Variants in KIAA1549L observed in about 807,000 individuals in gnomAD.
KIAA1549L encodes KIAA1549 like.
In KIAA1549L, 88 loss-of-function variants were observed where a neutral mutation model predicts 160.7. The ratio of observed to expected loss-of-function variants is 0.55; its 90% CI spans 0.46 to 0.65. The LOEUF (loss-of-function observed/expected upper bound fraction) is 0.65, where lower values mean the gene tolerates loss of function less well. KIAA1549L is among the 30% of genes least tolerant of loss of function. The probability of loss-of-function intolerance (pLI) is 0.00; values close to 1 mark genes in which losing one functional copy is unlikely to be tolerated. For missense variants in KIAA1549L, 2,258 were observed against 2,437.5 expected (o/e 0.93, Z 1.55); for synonymous variants, 950 against 976.7 (o/e 0.97, Z 0.51).
At chr11:33,594,367 G>T (rs1850144779) in intron 12 of KIAA1549L, among the ~76,000 whole-genome samples, 1 of 152,156 alleles carries the variant, frequency 6.6e-6, no homozygotes, top group Non-Finnish European at 1.5e-5. Context: ...AGCTCAGCTG[G>T]ATGGTTCTTC....
At chr11:33,590,519 G>A (rs1207530379) in intron 11 of KIAA1549L, among the ~76,000 whole-genome samples, 2 of 152,186 alleles carry the variant, frequency 1.3e-5, no homozygotes, top group African/African-American at 4.8e-5. Flanking sequence ...TATGCACTTG[G>A]GATTTCAGAT....
At chr11:33,492,419 G>T (rs1024407832) in intron 1 of KIAA1549L, among the ~76,000 whole-genome samples, 7 of 152,170 alleles carry the variant, frequency 4.6e-5, no homozygotes, top group Non-Finnish European at 8.8e-5. Context: ...AGTTCAGGGT[G>T]ACCTTGAACC....
chr11:33,478,497 G>A (rs1328856395), intron 1 of KIAA1549L, among the ~76,000 whole-genome samples: 4 of 152,192 alleles, frequency 2.6e-5, no homozygotes, highest in African/African-American at 4.8e-5. Flanking sequence ...GATGGGCTCC[G>A]CCTGCAGAAG....
chr11:33,552,813 A>G (rs1052193379), intron 6 of KIAA1549L, among the ~76,000 whole-genome samples: 2 of 152,144 alleles, frequency 1.3e-5, no homozygotes, highest in Admixed American at 6.5e-5. Flanking sequence ...TCTTACTCCC[A>G]TTTCACAGAA....
At chr11:33,435,797 T>TATATATA (rs1851353433) in intron 1 of KIAA1549L, among the ~76,000 whole-genome samples, 1 of 8,086 alleles carries the variant, frequency 1.2e-4, no homozygotes, top group African/African-American at 8.4e-4. Context: ...TATATATATA[T>TATATATA]ATATATATAT....
chr11:33,569,992 C>A (rs562826396), intron 9 of KIAA1549L, among the ~76,000 whole-genome samples: 1 of 73,486 alleles, frequency 1.4e-5, no homozygotes, highest in Admixed American at 2.0e-4. Context: ...TGTTCTTTCT[C>A]TCTCTCTCTC....
At chr11:33,457,281 G>A (rs1179478150) in intron 1 of KIAA1549L, among the ~76,000 whole-genome samples, 2 of 152,254 alleles carry the variant, frequency 1.3e-5, no homozygotes, top group East Asian at 3.9e-4. Context: ...TGTGTGGTGG[G>A]CTCAAGGTAG....
chr11:33,430,041 T>TCCTTCCTTCCTCCCTTCCTTCCTC (rs1554976199), intron 1 of KIAA1549L, among the ~76,000 whole-genome samples: 1 of 140,388 alleles, frequency 7.1e-6, no homozygotes, highest in African/African-American at 2.8e-5. Flanking sequence ...CTTCCTTCCT[T>TCCTTCCTTCCTCCCTTCCTTCCTC]CCTTCCTCCC....
intron 1 of KIAA1549L, among the ~76,000 whole-genome samples, chr11:33,474,071 C>T (rs894728343): frequency 1.3e-5 from 2 of 152,104 alleles, no homozygotes; most frequent in African/African-American, 4.8e-5. Context: ...GTGGCAGGCT[C>T]TTTAAACAAC....
At chr11:33,628,893 C>T (rs1473493371) in intron 16 of KIAA1549L, among the ~76,000 whole-genome samples, 5 of 151,926 alleles carry the variant, frequency 3.3e-5, no homozygotes, top group Non-Finnish European at 7.4e-5. Context: ...ATGGTCCTTA[C>T]ATTTTGGCAT....
chr11:33,635,675 TAAAACTGTTTCATTCATTTTAGAC>T (rs145261528), intron 16 of KIAA1549L, among the ~76,000 whole-genome samples: 83,810 of 150,660 alleles, frequency 0.56, 23,383 homozygotes, highest in Middle Eastern at 0.66. Flanking sequence ...CCATTCTAGA[TAAAACTGTTTCATTCATTTTAGAC>T]AAAACTGTTT....
intron 1 of KIAA1549L, among the ~76,000 whole-genome samples, chr11:33,521,574 G>A (rs1299605289): frequency 2.0e-5 from 3 of 152,198 alleles, no homozygotes; most frequent in African/African-American, 7.2e-5. Context: ...AATGAGTGTG[G>A]AAAGGGTAAG....
chr11:33,455,453 G>A (rs1228042332), intron 1 of KIAA1549L, among the ~76,000 whole-genome samples: 3 of 152,176 alleles, frequency 2.0e-5, no homozygotes, highest in Non-Finnish European at 4.4e-5. Flanking sequence ...CAAGATTCCT[G>A]GGGGCTGGTG....
At position 33,544,895 on chromosome 11, in the gene KIAA1549L, G is replaced by A. The variant is rs775093864; in HGVS notation, c.2902G>A (p.Val968Met). The A allele has an allele frequency of 2.0e-5, 32 of 1,613,120 alleles. No individual in the cohort carries two copies. Among genetic ancestry groups the A allele is most frequent in the Admixed American group, 6.7e-5 (4 of 59,840 alleles). ...AKGTSSSPLAVASGPAKSSSM... is the reference protein window; with the variant it reads ...AKGTSSSPLAMASGPAKSSSM... Reference sequence around the variant, plus strand: ...GGGCACCAGCAGCAGCCCTTTGGCCGTGGCCTCAGGACCAGCTAAGAGCAG... The same window carrying A: ...GGGCACCAGCAGCAGCCCTTTGGCCATGGCCTCAGGACCAGCTAAGAGCAG... The change falls in exon 3 of 21, where the codon GTG becomes ATG. Residue 968 changes from valine (V) to methionine (M), a missense_variant. Coordinates refer to ENST00000658780, the MANE Select transcript of KIAA1549L (RefSeq NM_012194.3).
At chr11:33,473,700 C>T (rs1852230001) in intron 1 of KIAA1549L, among the ~76,000 whole-genome samples, 1 of 152,104 alleles carries the variant, frequency 6.6e-6, no homozygotes, top group African/African-American at 2.4e-5. Flanking sequence ...TAGATTAGTC[C>T]CCATTCCCTG....
chr11:33,435,814 G>GTATA (rs751404275), intron 1 of KIAA1549L, among the ~76,000 whole-genome samples: 4 of 32,752 alleles, frequency 1.2e-4, no homozygotes, highest in East Asian at 6.6e-4. Flanking sequence ...ATATATATGT[G>GTATA]TGTGTATATA....
chr11:33,545,427 A>G (rs1471918585), intron 3 of KIAA1549L, 49 bp downstream of exon 3: 4 of 1,540,706 alleles, frequency 2.6e-6, no homozygotes, highest in East Asian at 4.6e-5. Flanking sequence ...GGCCTCAGAG[A>G]TGTAACCATA....
chr11:33,391,041 T>C (rs1016966285), intron 1 of KIAA1549L, among the ~76,000 whole-genome samples: 1 of 152,208 alleles, frequency 6.6e-6, no homozygotes, highest in East Asian at 1.9e-4. Context: ...TTTGTAATTA[T>C]GTAAAAGGGA....
chr11:33,452,579 G>C (rs1421161813), intron 1 of KIAA1549L, among the ~76,000 whole-genome samples: 1 of 152,202 alleles, frequency 6.6e-6, no homozygotes, highest in East Asian at 1.9e-4. Flanking sequence ...CTGCACGCCA[G>C]CCTGGGTGAC....
Sources: allele counts gnomAD v4.1 joint callset (sites outside exome capture counted in the v4.1 genomes callset), GRCh38; gene constraint gnomAD v4.1.1; transcripts MANE v1.5; gene names NCBI Gene and HGNC (gene_info 2026-07-23, HGNC 2026-07-21).